Variants in OLAH observed in about 807,000 individuals in gnomAD.
The protein encoded by OLAH is oleoyl-ACP hydrolase.
In OLAH, 33 loss-of-function variants were observed where a neutral mutation model predicts 27.8. The ratio of observed to expected loss-of-function variants is 1.19; its 90% confidence interval spans 0.90 to 1.59. The LOEUF (loss-of-function observed/expected upper bound fraction) is 1.59, where lower values mean the gene tolerates loss of function less well. Among genes scored for constraint, OLAH ranks in the 40% most tolerant of loss-of-function variants. OLAH has a pLI of 0.00. For synonymous variants in OLAH, 120 were observed against 102.9 expected, an observed-to-expected ratio of 1.17 and a Z score of -1.01; for missense variants, 359 against 310.8, an observed-to-expected ratio of 1.16 and a Z score of -1.17.
chr10:15,036,855 C>A (rs1843847822), intron 1 of OLAH, among the ~76,000 whole-genome samples: 1 of 152,038 alleles, frequency 6.6e-6, no homozygotes, highest in Non-Finnish European at 1.5e-5. Context: ...CTGAGGCAGG[C>A]AGATCACGAG....
At chr10:15,050,761 T>G (rs1488218936) in intron 3 of OLAH, among the ~76,000 whole-genome samples, 2 of 151,816 alleles carry the variant, frequency 1.3e-5, no homozygotes, top group Non-Finnish European at 2.9e-5. Flanking sequence ...CAGGATGGTC[T>G]CAATCTCCTG....
intron 3 of OLAH, among the ~76,000 whole-genome samples, chr10:15,057,197 C>T (rs1203647807): frequency 6.6e-6 from 1 of 152,240 alleles, no homozygotes; most frequent in East Asian, 1.9e-4. Context: ...TTTCTTCTAT[C>T]AATTCTAAAG....
chr10:15,060,379 A>G (rs574710271), intron 3 of OLAH, among the ~76,000 whole-genome samples: 16 of 152,236 alleles, frequency 1.1e-4, no homozygotes, highest in Non-Finnish European at 2.4e-4. Context: ...CCTGTTGGCC[A>G]GGTTGGTCTT....
chr10:15,071,610 C>T (rs992461479), intron 6 of OLAH, 185 bp from the exon 7 acceptor site: 2 of 985,060 alleles, frequency 2.0e-6, no homozygotes, highest in Non-Finnish European at 2.4e-6. Context: ...GGAAATTAGT[C>T]TCCACACTGA....
chr10:15,061,641 T>G (rs1014467891), intron 3 of OLAH, 83 bp from the exon 4 acceptor site: 36 of 1,302,738 alleles, frequency 2.8e-5, no homozygotes, highest in Non-Finnish European at 3.6e-5. Context: ...ATTTTTTCCA[T>G]CAGGTAAATA....
In OLAH at chr10:15,052,198, G is replaced by A. The variant is rs149121377; in HGVS notation, c.163+2433G>A. 4.8e-3 allele frequency among the ~76,000 whole-genome samples: 726 copies of A among 152,194 alleles called. 23 individuals carry two copies. The East Asian group carries it at 0.054, about 11-fold the overall frequency. The stretch of plus-strand genomic sequence containing the variant: ...CTCGGGAGGCTGAGGCAGAAGAACC[G>A]CTTGAACCTGGGAGGCGGAGATTGC... On this transcript the variant is annotated intron_variant, in intron 3 of 7. Coordinates refer to ENST00000378228, the MANE Select transcript of OLAH (RefSeq NM_001039702.3).
intron 3 of OLAH, among the ~76,000 whole-genome samples, chr10:15,051,214 TA>T (rs1262395501): frequency 6.6e-6 from 1 of 152,024 alleles, no homozygotes; most frequent in African/African-American, 2.4e-5. Flanking sequence ...TATCTGGGAT[TA>T]CAGGCACACG....
chr10:15,065,258 G>A (rs1345038857), intron 5 of OLAH, among the ~76,000 whole-genome samples: 1 of 152,132 alleles, frequency 6.6e-6, no homozygotes, highest in Non-Finnish European at 1.5e-5. Flanking sequence ...GACTACCATG[G>A]CTTTTTAAAC....
chr10:15,060,409 A>T (rs747660354), intron 3 of OLAH, among the ~76,000 whole-genome samples: 4 of 152,076 alleles, frequency 2.6e-5, no homozygotes, highest in Non-Finnish European at 5.9e-5. Context: ...ACTTCAAGTG[A>T]TCGGCCCACC....
At chr10:15,049,346 C>G (rs1844087202) in intron 2 of OLAH, among the ~76,000 whole-genome samples, 1 of 152,036 alleles carries the variant, frequency 6.6e-6, no homozygotes, top group African/African-American at 2.4e-5. Context: ...GTTGTCCAGA[C>G]TAGCTTCAAA....
intron 2 of OLAH, among the ~76,000 whole-genome samples, chr10:15,047,536 A>G (rs1447442834): frequency 6.6e-6 from 1 of 152,118 alleles, no homozygotes; most frequent in Non-Finnish European, 1.5e-5. Context: ...CTCTACTAAA[A>G]ATACCAAAAA....
intron 3 of OLAH, among the ~76,000 whole-genome samples, chr10:15,057,643 C>T (rs1001857439): frequency 6.6e-6 from 1 of 151,992 alleles, no homozygotes; most frequent in Non-Finnish European, 1.5e-5. Context: ...GCCTCGGCCT[C>T]CCAAAGTGCT....
Position 15,047,160 on chromosome 10 carries a change from A to G in OLAH, c.-129A>G, listed in dbSNP as rs2131341378. The G allele has an allele frequency of 3.7e-6, 3 of 814,426 alleles. No homozygotes were observed. The highest frequency in any genetic ancestry group is 5.7e-6 in the Non-Finnish European group (3 of 530,954). 50.4% of individuals were successfully genotyped at this position (814,426 alleles called of 1,614,324 possible). A position where few individuals can be genotyped will look rare whatever the true frequency, so the allele number is the denominator to read the frequency against. On this transcript the variant is annotated 5_prime_UTR_variant, in exon 2 of 8. Coordinates refer to ENST00000378228, the MANE Select transcript of OLAH (RefSeq NM_001039702.3). Reference sequence around the variant, plus strand: ...AGGTCAATAAGAGTCAGCGCCTTTAAAAAGAAATCTACTCACTCTTCTGTG... The same window carrying G: ...AGGTCAATAAGAGTCAGCGCCTTTAGAAAGAAATCTACTCACTCTTCTGTG...
At chr10:15,057,223 G>C (rs762571698) in intron 3 of OLAH, among the ~76,000 whole-genome samples, 3 of 151,976 alleles carry the variant, frequency 2.0e-5, no homozygotes, top group Non-Finnish European at 4.4e-5. Flanking sequence ...TGTCATATTT[G>C]AGCCTGCCTT....
intron 3 of OLAH, among the ~76,000 whole-genome samples, chr10:15,050,024 T>A (rs1844102750): frequency 6.6e-6 from 1 of 152,236 alleles, no homozygotes; most frequent in South Asian, 2.1e-4. Flanking sequence ...ATTGATATGG[T>A]TGAACTGAAT....
intron 7 of OLAH, 133 bp from the exon 8 acceptor site, chr10:15,072,954 C>T: frequency 1.3e-6 from 1 of 795,256 alleles, no homozygotes; most frequent in East Asian, 2.6e-5. Context: ...AATGCTCCTG[C>T]TTCATCACCT....
Position 15,062,977 on chromosome 10 carries a change from G to A in OLAH, c.302+1115G>A, listed in dbSNP as rs186011154. Among the ~76,000 whole-genome samples, 118 of 152,262 alleles carry A rather than the reference G, an allele frequency of 7.7e-4. 1 individual carries two copies. The highest frequency in any genetic ancestry group is 2.7e-3 in the African/African-American group (113 of 41,564). On this transcript the variant is annotated intron_variant, in intron 4 of 7. Transcript: ENST00000378228. ...TGGTCTCAAACTGCTGACCTCGAGT[G>A]ATCCACTTGCCTTGGCCTGCTAAAG...
In OLAH at chr10:15,064,402, G is replaced by C. The variant is rs772345585; in HGVS notation, c.303-1G>C. 2.1e-5 allele frequency: 33 copies of C among 1,570,558 alleles called. No individual in the cohort carries two copies. Among genetic ancestry groups the C allele is most frequent in the Non-Finnish European group, 2.7e-5 (31 of 1,151,070 alleles). On this transcript the variant is annotated splice_acceptor_variant, in intron 4 of 7. Coordinates refer to ENST00000378228, the MANE Select transcript of OLAH (RefSeq NM_001039702.3). LOFTEE classifies it high-confidence loss of function. Reference sequence around the variant, plus strand: ...GTCATGTTTTTCTTTGCTGAATTTAGTATGGGATCCTACATTGCTTTTAGG... The same window carrying C: ...GTCATGTTTTTCTTTGCTGAATTTACTATGGGATCCTACATTGCTTTTAGG...
At chr10:15,061,668 A>G in intron 3 of OLAH, 56 bp from the exon 4 acceptor site, 2 of 1,442,040 alleles carry the variant, frequency 1.4e-6, no homozygotes, top group Admixed American at 2.6e-5. Flanking sequence ...CTTTTATAAC[A>G]TCACAATATC....
Sources: allele counts gnomAD v4.1 joint callset (sites outside exome capture counted in the v4.1 genomes callset), GRCh38; gene constraint gnomAD v4.1.1; transcripts MANE v1.5; gene names NCBI Gene and HGNC (gene_info 2026-07-23, HGNC 2026-07-21).